Variants in UNC5C observed in about 807,000 individuals in gnomAD.
UNC5C encodes netrin receptor UNC5C.
UNC5C carries 47 observed loss-of-function variants against 99.8 expected under a neutral mutation model. The ratio of observed to expected loss-of-function variants is 0.47; its 90% confidence interval spans 0.37 to 0.60. The LOEUF is 0.60. UNC5C is among the 20% of genes least tolerant of loss of function. The probability of loss-of-function intolerance (pLI) is 0.00; values close to 1 mark genes in which losing one functional copy is unlikely to be tolerated. For missense variants in UNC5C, 1,062 were observed against 1,165.9 expected (o/e 0.91, Z 1.30); for synonymous variants, 487 against 452.2 (o/e 1.08, Z -0.98).
At chr4:95,256,836 G>A (rs1199360349) in intron 4 of UNC5C, among the ~76,000 whole-genome samples, 1 of 151,706 alleles carries the variant, frequency 6.6e-6, no homozygotes, top group African/African-American at 2.4e-5. Flanking sequence ...GGAGTCTGAT[G>A]TTTGAGGTCA....
intron 1 of UNC5C, among the ~76,000 whole-genome samples, chr4:95,457,089 C>T (rs1179781153): frequency 6.6e-6 from 1 of 152,034 alleles, no homozygotes; most frequent in African/African-American, 2.4e-5. Flanking sequence ...AGAAATTTCC[C>T]ACAATACCTT....
Position 95,245,082 on chromosome 4 carries a change from A to G in UNC5C, c.838T>C (p.Tyr280His). The G allele has an allele frequency of 1.2e-6, 2 of 1,613,994 alleles. No homozygotes were observed. Among genetic ancestry groups the G allele is most frequent in the African/African-American group, 1.3e-5 (1 of 74,978 alleles). ...GTACAAGTCCTTGTACGTTTCTGATACCCTCGTCCACAGCGGCTGTTACAC... is the reference window on the plus strand; with the variant it reads ...GTACAAGTCCTTGTACGTTTCTGATGCCCTCGTCCACAGCGGCTGTTACAC... ...SVCNSRCGRG[Y>H]QKRTRTCTNP... The change falls in exon 6 of 16, where the codon TAT becomes CAT. Residue 280 changes from tyrosine to histidine, a missense_variant. Transcript: ENST00000453304.
At chr4:95,263,772 G>A (rs542759331) in intron 4 of UNC5C, among the ~76,000 whole-genome samples, 23 of 152,170 alleles carry the variant, frequency 1.5e-4, no homozygotes, top group Admixed American at 3.3e-4. Context: ...TTCTTGTGAG[G>A]TTTGAAAAGG....
chr4:95,235,552 C>T (rs564676320), intron 7 of UNC5C, among the ~76,000 whole-genome samples: 1 of 152,226 alleles, frequency 6.6e-6, no homozygotes, highest in South Asian at 2.1e-4. Context: ...TCATGAAGTC[C>T]TTGCCCATGC....
intron 1 of UNC5C, among the ~76,000 whole-genome samples, chr4:95,338,218 A>G (rs1185427714): frequency 1.3e-5 from 2 of 152,048 alleles, no homozygotes; most frequent in African/African-American, 4.8e-5. Flanking sequence ...TCAAGTTAAC[A>G]TACTAAAAGA....
At chr4:95,252,886 T>C (rs1739798221) in intron 4 of UNC5C, among the ~76,000 whole-genome samples, 1 of 152,254 alleles carries the variant, frequency 6.6e-6, no homozygotes, top group Non-Finnish European at 1.5e-5. Flanking sequence ...TGGTTCAGTG[T>C]GCACAAACTT....
At chr4:95,509,863 T>C (rs1722022435) in intron 1 of UNC5C, among the ~76,000 whole-genome samples, 1 of 151,886 alleles carries the variant, frequency 6.6e-6, no homozygotes. Context: ...AAATTGTCAG[T>C]AGTTTCCTAA....
chr4:95,378,933 T>A (rs1744981605), intron 1 of UNC5C, among the ~76,000 whole-genome samples: 1 of 152,158 alleles, frequency 6.6e-6, no homozygotes, highest in South Asian at 2.1e-4. Flanking sequence ...TTTACTAGTA[T>A]TTTTATTCTA....
intron 1 of UNC5C, among the ~76,000 whole-genome samples, chr4:95,413,795 C>G (rs1231432676): frequency 6.6e-6 from 1 of 152,210 alleles, no homozygotes; most frequent in Admixed American, 6.5e-5. Flanking sequence ...TATTCTATAG[C>G]AGCTACCTGG....
At chr4:95,265,403 G>A (rs1740406649) in intron 4 of UNC5C, among the ~76,000 whole-genome samples, 1 of 152,092 alleles carries the variant, frequency 6.6e-6, no homozygotes, top group African/African-American at 2.4e-5. Flanking sequence ...TTGTCCTCCA[G>A]TCTTATTCTT....
At chr4:95,523,131 A>C (rs1307591020) in intron 1 of UNC5C, among the ~76,000 whole-genome samples, 3 of 152,164 alleles carry the variant, frequency 2.0e-5, no homozygotes, top group Admixed American at 1.3e-4. Flanking sequence ...GCTGAGCAAG[A>C]ATGTGGTCTC....
chr4:95,420,250 G>A (rs750231736), intron 1 of UNC5C, among the ~76,000 whole-genome samples: 1 of 152,056 alleles, frequency 6.6e-6, no homozygotes, highest in Non-Finnish European at 1.5e-5. Flanking sequence ...AGTAACTTTA[G>A]GTTCTAATTC....
At chr4:95,468,930 T>G (rs747455262) in intron 1 of UNC5C, among the ~76,000 whole-genome samples, 5 of 152,168 alleles carry the variant, frequency 3.3e-5, no homozygotes, top group Non-Finnish European at 5.9e-5. Flanking sequence ...TGAAACCAAT[T>G]CACAAAAGGG....
chr4:95,328,814 G>A (rs537741634), intron 2 of UNC5C, among the ~76,000 whole-genome samples: 1 of 152,228 alleles, frequency 6.6e-6, no homozygotes, highest in Admixed American at 6.5e-5. Flanking sequence ...CCAAAGCCGG[G>A]CAGAGACACA....
In UNC5C at chr4:95,202,952, C is replaced by A; in HGVS notation, c.1915G>T (p.Val639Phe). 6.2e-7 allele frequency: 1 copy of A among 1,614,060 alleles called. No homozygotes were observed. ...GGGGTGGTGAAGTTTTCCTCCCCGA[C>A]CACCACCACATCCTGGGGGACAAGA... is the stretch of plus-strand genomic sequence containing the variant. ...AQGQWEDVVV[V>F]GEENFTTPCY... is the part of the protein sequence containing the mutation. Residue 639 changes from valine (V) to phenylalanine (F), a missense_variant, in exon 12 of 16, where the codon GTC becomes TTC. Val to Phe is a conservative substitution (Grantham distance 50). This residue lies in a region of UNC5C where 810 missense variants were observed against 854.5 expected (regional missense o/e 0.95). Transcript: ENST00000453304.
intron 2 of UNC5C, among the ~76,000 whole-genome samples, chr4:95,324,818 A>G (rs956465129): frequency 1.3e-5 from 2 of 152,192 alleles, no homozygotes; most frequent in Admixed American, 6.5e-5. Flanking sequence ...CCCTCATCAC[A>G]CAATGAATCT....
In UNC5C at chr4:95,226,827, T is replaced by C. The variant is rs1363230925; in HGVS notation, c.1109-6651A>G. Among the ~76,000 whole-genome samples, 3 of 152,306 alleles carry C rather than the reference T, an allele frequency of 2.0e-5. No homozygotes were observed. The East Asian group carries it at 5.8e-4, about 29-fold the overall frequency. Reference sequence around the variant, plus strand: ...TGGAAATGGGGTAGGGATGGTGTTTTTTTTTGGTTGTCATAAGGATTAGGT... The same window carrying C: ...TGGAAATGGGGTAGGGATGGTGTTTCTTTTTGGTTGTCATAAGGATTAGGT... On this transcript the variant is annotated intron_variant, in intron 7 of 15. Transcript: ENST00000453304.
chr4:95,182,821 A>C, intron 14 of UNC5C, 76 bp downstream of exon 14: 1 of 1,484,856 alleles, frequency 6.7e-7, no homozygotes, highest in Non-Finnish European at 9.1e-7. Context: ...ATGTTGAGAT[A>C]CCCTTTTAGC....
At chr4:95,239,127 G>T (rs778436360) in intron 7 of UNC5C, among the ~76,000 whole-genome samples, 6 of 152,092 alleles carry the variant, frequency 3.9e-5, no homozygotes, top group Non-Finnish European at 8.8e-5. Flanking sequence ...TTATTGACAG[G>T]TGTGGCTTAT....
Sources: allele counts gnomAD v4.1 joint callset (sites outside exome capture counted in the v4.1 genomes callset), GRCh38; gene constraint gnomAD v4.1.1; regional missense constraint gnomAD v4.1.1; transcripts MANE v1.5; gene names NCBI Gene and HGNC (gene_info 2026-07-23, HGNC 2026-07-21).